The following IL1RAPL2 variants were observed in gnomAD, a reference collection of about 807,000 sequenced individuals.
IL1RAPL2 encodes X-linked interleukin-1 receptor accessory protein-like 2.
Under a neutral mutation model 44.1 loss-of-function variants are expected in IL1RAPL2, and 3 were observed. The observed-to-expected ratio is 0.07, with a 90% CI of 0.03 to 0.18. The LOEUF (loss-of-function observed/expected upper bound fraction) is 0.18, where lower values mean the gene tolerates loss of function less well. Ranked by LOEUF, IL1RAPL2 falls within the 10% of genes least tolerant of loss-of-function variation. The pLI is 1.00. For missense variants in IL1RAPL2, 391 were observed against 496.4 expected (o/e 0.79, Z 2.02); for synonymous variants, 181 against 178.8 (o/e 1.01, Z -0.10).
chrX:105,509,390 A>C (rs1342886924), intron 6 of IL1RAPL2, among the ~76,000 whole-genome samples: 1 of 111,834 alleles, frequency 8.9e-6, no homozygotes, highest in Admixed American at 9.5e-5. Context: ...ACAGACTAGG[A>C]CAAATGTGGG....
intron 2 of IL1RAPL2, among the ~76,000 whole-genome samples, chrX:105,083,683 A>G (rs1417131910): frequency 1.8e-5 from 2 of 112,090 alleles, no homozygotes; most frequent in Non-Finnish European, 3.8e-5. Context: ...TAAAGAAAAT[A>G]ATTTTCATCC....
intron 5 of IL1RAPL2, among the ~76,000 whole-genome samples, chrX:105,273,245 C>A (rs1461510077): frequency 1.8e-5 from 2 of 110,842 alleles, no homozygotes; most frequent in Non-Finnish European, 3.8e-5. Context: ...GGTGTTGGGG[C>A]TCAGAAAACA....
At position 105,540,427 on chromosome X, in the gene IL1RAPL2, G is replaced by A. The variant is rs776032462; in HGVS notation, c.772+56040G>A. Among the ~76,000 whole-genome samples the A allele has an allele frequency of 7.2e-5, 8 of 110,498 alleles. No homozygotes were observed. The East Asian group carries it at 2.3e-3, about 32-fold the overall frequency. On this transcript the variant is annotated intron_variant, in intron 6 of 10. Transcript: ENST00000372582. ...AGGCCATTATCCTAAGTGAAAGCAG[G>A]AGCAGAAAACCAATTACTGCATGTT... is the stretch of plus-strand genomic sequence containing the variant.
At chrX:104,976,390 T>G (rs755636867) in intron 2 of IL1RAPL2, among the ~76,000 whole-genome samples, 60 of 112,231 alleles carry the variant, frequency 5.3e-4, no homozygotes, top group African/African-American at 1.9e-3. Flanking sequence ...AGTAAGGTGT[T>G]ATAAAAGTGG....
intron 6 of IL1RAPL2, among the ~76,000 whole-genome samples, chrX:105,670,105 G>GTATATA (rs1171872748): frequency 0.023 from 267 of 11,660 alleles, 22 homozygotes; most frequent in Non-Finnish European, 0.029. Context: ...TGGGTTTCCT[G>GTATATA]TATATATATA....
intron 1 of IL1RAPL2, among the ~76,000 whole-genome samples, chrX:104,629,208 A>G (rs1481421565): frequency 8.9e-6 from 1 of 112,094 alleles, no homozygotes; most frequent in Non-Finnish European, 1.9e-5. Context: ...TGTCATTTTA[A>G]TAATAACCAT....
intron 5 of IL1RAPL2, among the ~76,000 whole-genome samples, chrX:105,341,976 G>A (rs2035074155): frequency 9.1e-6 from 1 of 109,759 alleles, no homozygotes; most frequent in South Asian, 4.1e-4. Context: ...ATACTATGCA[G>A]CCATAAAAAA....
At chrX:104,793,316 A>T (rs1932834886) in intron 2 of IL1RAPL2, among the ~76,000 whole-genome samples, 1 of 112,258 alleles carries the variant, frequency 8.9e-6, no homozygotes, top group African/African-American at 3.2e-5. Flanking sequence ...TAAGAAGAAC[A>T]AGGGCAGGGT....
intron 6 of IL1RAPL2, among the ~76,000 whole-genome samples, chrX:105,568,626 G>A (rs2036992329): frequency 8.9e-6 from 1 of 112,043 alleles, no homozygotes; most frequent in South Asian, 3.6e-4. Flanking sequence ...ATGTTGTAAA[G>A]ATTGGTGGTT....
intron 5 of IL1RAPL2, among the ~76,000 whole-genome samples, chrX:105,401,688 T>C (rs1240673122): frequency 2.7e-5 from 3 of 110,886 alleles, no homozygotes; most frequent in South Asian, 3.8e-4. Context: ...AGATCATCAA[T>C]CAGTGATTGA....
At chrX:105,516,738 C>A (rs2036517490) in intron 6 of IL1RAPL2, among the ~76,000 whole-genome samples, 1 of 111,928 alleles carries the variant, frequency 8.9e-6, no homozygotes, top group African/African-American at 3.2e-5. Context: ...CACTAAAACA[C>A]TTTTTATCAC....
chrX:105,739,017 G>A (rs1410524576), intron 7 of IL1RAPL2, among the ~76,000 whole-genome samples: 2 of 110,802 alleles, frequency 1.8e-5, no homozygotes, highest in Non-Finnish European at 3.8e-5. Flanking sequence ...GAAAAGCAGA[G>A]AGCAGGCTTC....
intron 2 of IL1RAPL2, among the ~76,000 whole-genome samples, chrX:104,763,568 A>G (rs1932503233): frequency 8.9e-6 from 1 of 111,800 alleles, no homozygotes; most frequent in Admixed American, 9.5e-5. Flanking sequence ...TTGCATTGCT[A>G]ATAAAGACAT....
chrX:104,676,858 C>T (rs1470655005), intron 2 of IL1RAPL2, among the ~76,000 whole-genome samples: 1 of 111,615 alleles, frequency 9.0e-6, no homozygotes, highest in Non-Finnish European at 1.9e-5. Context: ...TTTTATCTTC[C>T]ATCGCTGATA....
chrX:105,501,590 A>G (rs1206888252), intron 6 of IL1RAPL2, among the ~76,000 whole-genome samples: 2 of 110,953 alleles, frequency 1.8e-5, no homozygotes, highest in Non-Finnish European at 3.8e-5. Flanking sequence ...CATCACTGCA[A>G]TCCAGCCTAG....
At chrX:104,916,504 T>C (rs1043009781) in intron 2 of IL1RAPL2, among the ~76,000 whole-genome samples, 1 of 111,693 alleles carries the variant, frequency 9.0e-6, no homozygotes, top group South Asian at 3.8e-4. Context: ...TACAATCATG[T>C]CATCTGCAAA....
intron 2 of IL1RAPL2, among the ~76,000 whole-genome samples, chrX:105,025,064 T>G (rs2031345391): frequency 9.0e-6 from 1 of 110,812 alleles, no homozygotes; most frequent in Admixed American, 9.6e-5. Context: ...AGGGGGATTA[T>G]TATAGACAAA....
At chrX:104,853,190 C>G (rs1922271681) in intron 2 of IL1RAPL2, among the ~76,000 whole-genome samples, 2 of 112,049 alleles carry the variant, frequency 1.8e-5, no homozygotes, top group Admixed American at 1.9e-4. Context: ...TATATTCACT[C>G]TTGAAAAGCT....
At chrX:105,608,802 C>T (rs1046372733) in intron 6 of IL1RAPL2, among the ~76,000 whole-genome samples, 6 of 112,147 alleles carry the variant, frequency 5.4e-5, no homozygotes, top group African/African-American at 1.9e-4. Context: ...CTTAAAATAA[C>T]TTTAAAGATA....
Sources: allele counts gnomAD v4.1 joint callset (sites outside exome capture counted in the v4.1 genomes callset), GRCh38; gene constraint gnomAD v4.1.1; transcripts MANE v1.5; gene names NCBI Gene and HGNC (gene_info 2026-07-23, HGNC 2026-07-21).